ZNF442: variants seen among roughly 807,000 people sequenced by gnomAD.
ZNF442 encodes zinc finger protein 442.
In ZNF442, 45 loss-of-function variants were observed where a neutral mutation model predicts 57.0. The observed-to-expected ratio is 0.79, with a 90% CI of 0.62 to 1.01. The LOEUF (loss-of-function observed/expected upper bound fraction) is 1.01. Among genes scored for constraint, ZNF442 ranks in the 50% least tolerant of loss-of-function variants. The pLI, the probability that ZNF442 is intolerant of heterozygous loss-of-function variation, is 0.00. For missense variants in ZNF442, 690 were observed against 756.5 expected (o/e 0.91, Z 1.03); for synonymous variants, 213 against 241.8 (o/e 0.88, Z 1.10).
upstream of ZNF442, among the ~76,000 whole-genome samples, chr19:12,366,158 C>T (rs10409898): frequency 0.048 from 7,288 of 152,258 alleles, 587 homozygotes; most frequent in African/African-American, 0.17. Flanking sequence ...ACCTTATCTC[C>T]CAATCTACTC....
rs193044469 is a variant in ZNF442 at position 12,364,172 on chromosome 19, G to A, written c.-40-501C>T. Among the ~76,000 whole-genome samples, 390 of 152,182 alleles carry A rather than the reference G, an allele frequency of 2.6e-3. 3 individuals are homozygous for A. Among genetic ancestry groups the A allele is most frequent in the African/African-American group, 9.2e-3 (383 of 41,520 alleles). ...TGTAATCCCAGCACTTTGGGAGGCCGAGGCGGGCGGATCACCTGAGGTCAT... is the reference window on the plus strand; with the variant it reads ...TGTAATCCCAGCACTTTGGGAGGCCAAGGCGGGCGGATCACCTGAGGTCAT... On this transcript the variant is annotated intron_variant, in intron 2 of 5. Transcript: ENST00000242804.
chr19:12,355,392 G>A (rs1214200683), intron 3 of ZNF442, among the ~76,000 whole-genome samples: 8 of 142,202 alleles, frequency 5.6e-5, no homozygotes, highest in African/African-American at 1.0e-4. Flanking sequence ...ACGGAGTTTC[G>A]CTCTTATTAC....
At chr19:12,368,559 G>A (rs1221554665), upstream of ZNF442, among the ~76,000 whole-genome samples, 1 of 152,152 alleles carries the variant, frequency 6.6e-6, no homozygotes, top group Non-Finnish European at 1.5e-5. Flanking sequence ...CAGGATCCAC[G>A]ACGGAGAAGT....
At chr19:12,362,805 T>G (rs1969458585) in intron 3 of ZNF442, among the ~76,000 whole-genome samples, 1 of 151,444 alleles carries the variant, frequency 6.6e-6, no homozygotes, top group African/African-American at 2.4e-5. Flanking sequence ...GAAATCAGAT[T>G]GTTGTTGTGT....
At chr19:12,362,966 AC>A (rs1969461898) in intron 3 of ZNF442, among the ~76,000 whole-genome samples, 1 of 151,456 alleles carries the variant, frequency 6.6e-6, no homozygotes, top group African/African-American at 2.4e-5. Context: ...ACATAGTGAA[AC>A]CCCGTCTCTA....
Position 12,347,067 on chromosome 19 carries a change from G to A in ZNF442, c.*2634C>T, listed in dbSNP as rs1201574990. On this transcript the variant is annotated 3_prime_UTR_variant, in exon 6 of 6. Transcript: ENST00000242804. The stretch of plus-strand genomic sequence containing the variant: ...CCAGCACTGTAAGAGGCTTCCAGAT[G>A]AGCAGTTCCAGTGGTTAATGTTGGT... 1 of 152,132 alleles carries A rather than the reference G, an allele frequency of 6.6e-6. No individual in the cohort carries two copies. Among genetic ancestry groups the A allele is most frequent in the Non-Finnish European group, 1.5e-5 (1 of 68,008 alleles). 9.4% of individuals were successfully genotyped at this position (152,132 alleles called of 1,614,324 possible). A position where few individuals can be genotyped will look rare whatever the true frequency, so the allele number is the denominator to read the frequency against.
At chr19:12,353,600 G>A (rs1969279453) in intron 3 of ZNF442, among the ~76,000 whole-genome samples, 1 of 152,178 alleles carries the variant, frequency 6.6e-6, no homozygotes, top group Non-Finnish European at 1.5e-5. Flanking sequence ...AGAAAGTATA[G>A]TATTTGCTTA....
At chr19:12,355,116 C>G (rs891594720) in intron 3 of ZNF442, among the ~76,000 whole-genome samples, 1 of 151,644 alleles carries the variant, frequency 6.6e-6, no homozygotes, top group Admixed American at 6.6e-5. Flanking sequence ...ACAGTGAAAC[C>G]CTGTCTCTAA....
intron 3 of ZNF442, among the ~76,000 whole-genome samples, chr19:12,357,910 A>G (rs975020331): frequency 6.9e-6 from 1 of 145,200 alleles, no homozygotes; most frequent in East Asian, 2.0e-4. Context: ...ATCATTCCAC[A>G]CTCTGCTTCC....
chr19:12,369,903 TA>T (rs76338567), upstream of ZNF442, among the ~76,000 whole-genome samples: 205 of 140,222 alleles, frequency 1.5e-3, no homozygotes, highest in Admixed American at 1.5e-3. Flanking sequence ...AGACTCCATC[TA>T]AAAAAAAAAA....
Position 12,349,742 on chromosome 19 carries a change from A to G in ZNF442, c.1843T>C (p.Leu615=). The G allele has an allele frequency of 6.2e-7, 1 of 1,613,548 alleles. No individual in the cohort carries two copies. The part of the protein sequence containing the change: ...CGKALSSLSS[L]HRHKRTHWRD... ...CAGTGAGTCCTTTTATGTCTATGCA[A>G]GGAACTGAGAGAACTCAGTGCCTTC... The change falls in exon 6 of 6, where the codon TTG becomes CTG. Residue 615 remains leucine, a synonymous_variant. Coordinates refer to ENST00000242804, the MANE Select transcript of ZNF442 (RefSeq NM_030824.3).
chr19:12,365,495 T>A, intron 1 of ZNF442, 38 bp downstream of exon 1: 2 of 537,326 alleles, frequency 3.7e-6, no homozygotes, highest in South Asian at 1.9e-5. Flanking sequence ...CAACCAGTCC[T>A]TCGCCCTGCC....
chr19:12,350,942 CACACAACTT>C lies in ZNF442; in HGVS notation c.634_642del (p.Lys212_Cys214del), dbSNP rs769180975. 3 of 1,614,206 alleles carry C rather than the reference CACACAACTT, an allele frequency of 1.9e-6. No individual in the cohort carries two copies. The South Asian group carries it at 3.3e-5, about 18-fold the overall frequency. ...AAACTAGGCCAAAAAAAGGCTTTCC[CACACAACTT>C]ACATATATAAGGTCCACCTCCACGT... On this transcript the variant is annotated inframe_deletion, in exon 6 of 6. Coordinates refer to ENST00000242804, the MANE Select transcript of ZNF442 (RefSeq NM_030824.3).
At chr19:12,359,340 C>T (rs1969385297) in intron 3 of ZNF442, among the ~76,000 whole-genome samples, 1 of 152,134 alleles carries the variant, frequency 6.6e-6, no homozygotes, top group East Asian at 1.9e-4. Context: ...ACCTCAACTC[C>T]CCAAGCCCAG....
chr19:12,366,853 G>A (rs937467541), upstream of ZNF442, among the ~76,000 whole-genome samples: 2 of 152,126 alleles, frequency 1.3e-5, no homozygotes, highest in African/African-American at 4.8e-5. Context: ...CAGGCTGGTC[G>A]TGAACTCCTG....
intron 3 of ZNF442, among the ~76,000 whole-genome samples, chr19:12,360,613 G>A (rs1015253665): frequency 6.6e-6 from 1 of 152,228 alleles, no homozygotes; most frequent in African/African-American, 2.4e-5. Flanking sequence ...GTCTCACTCT[G>A]TCACCCAGAC....
chr19:12,362,634 G>A (rs935064801), intron 3 of ZNF442, among the ~76,000 whole-genome samples: 1 of 148,200 alleles, frequency 6.7e-6, no homozygotes, highest in Admixed American at 6.6e-5. Context: ...CGGGAGGTGG[G>A]GGGCGCCTCT....
intron 3 of ZNF442, among the ~76,000 whole-genome samples, chr19:12,356,627 C>CAA: frequency 7.5e-6 from 1 of 133,892 alleles, no homozygotes; most frequent in African/African-American, 3.0e-5. Context: ...AACTCCGTCT[C>CAA]AAAAAAAAAA....
chr19:12,354,676 T>C (rs1036556661), intron 3 of ZNF442, among the ~76,000 whole-genome samples: 3 of 152,126 alleles, frequency 2.0e-5, no homozygotes, highest in African/African-American at 7.2e-5. Flanking sequence ...GCTCAAGCAA[T>C]TCTCCTGCCT....
Sources: allele counts gnomAD v4.1 joint callset (sites outside exome capture counted in the v4.1 genomes callset), GRCh38; gene constraint gnomAD v4.1.1; transcripts MANE v1.5; gene names NCBI Gene and HGNC (gene_info 2026-07-23, HGNC 2026-07-21).